The following PRLR variants were observed in gnomAD, a reference collection of about 807,000 sequenced individuals.
PRLR encodes prolactin receptor, also known as hPRL receptor.
PRLR carries 13 observed loss-of-function variants against 40.2 expected under a neutral mutation model. The ratio of observed to expected loss-of-function variants is 0.32; its 90% confidence interval spans 0.21 to 0.51. The LOEUF (loss-of-function observed/expected upper bound fraction) is 0.51. Among genes scored for constraint, PRLR ranks in the 20% least tolerant of loss-of-function variants. The probability of loss-of-function intolerance (pLI) is 0.97; values close to 1 mark genes in which losing one functional copy is unlikely to be tolerated. For missense variants in PRLR, 656 were observed against 747.3 expected (o/e 0.88, Z 1.42); for synonymous variants, 269 against 278.7 (o/e 0.97, Z 0.35).
At chr5:35,093,530 G>C (rs1432241437) in intron 2 of PRLR, among the ~76,000 whole-genome samples, 1 of 152,124 alleles carries the variant, frequency 6.6e-6, no homozygotes, top group Non-Finnish European at 1.5e-5. Context: ...TCAGGTTTTT[G>C]ACTCAGTTTT....
At chr5:35,154,368 T>C (rs1450694424) in intron 1 of PRLR, among the ~76,000 whole-genome samples, 1 of 152,228 alleles carries the variant, frequency 6.6e-6, no homozygotes, top group African/African-American at 2.4e-5. Context: ...TTTTGATACA[T>C]CTCTAATTTT....
In PRLR at chr5:35,089,665, T is replaced by C; in HGVS notation, c.-43-2A>G. 2 of 1,606,938 alleles carry C rather than the reference T, an allele frequency of 1.2e-6. 1 individual carries two copies. Among genetic ancestry groups the C allele is most frequent in the African/African-American group, 2.7e-5 (2 of 74,922 alleles). On this transcript the variant is annotated splice_acceptor_variant, in intron 2 of 9. Transcript: ENST00000618457. LOFTEE classifies it low-confidence loss of function (5UTR_SPLICE). ...TGCAGGAAATGTATCAGAAGTTCACTGGAAGAGAAGGTAGCAGGTAACTTT... is the reference window on the plus strand; with the variant it reads ...TGCAGGAAATGTATCAGAAGTTCACCGGAAGAGAAGGTAGCAGGTAACTTT...
chr5:35,180,810 G>A (rs745615361), intron 1 of PRLR, among the ~76,000 whole-genome samples: 7 of 151,924 alleles, frequency 4.6e-5, no homozygotes, highest in East Asian at 3.9e-4. Flanking sequence ...TGTTCAATTC[G>A]CACCTATGAG....
intron 1 of PRLR, among the ~76,000 whole-genome samples, chr5:35,162,274 T>G (rs1448039861): frequency 6.6e-6 from 1 of 152,210 alleles, no homozygotes; most frequent in Non-Finnish European, 1.5e-5. Context: ...TTCAATGTGA[T>G]TTCACCTTTC....
At chr5:35,073,801 T>A (rs560958394) in intron 5 of PRLR, among the ~76,000 whole-genome samples, 1 of 152,314 alleles carries the variant, frequency 6.6e-6, no homozygotes, top group South Asian at 2.1e-4. Flanking sequence ...ATGCTCAAGG[T>A]CATTAGCCTT....
At chr5:35,211,734 GTATTAA>G (rs1446584663) in intron 1 of PRLR, among the ~76,000 whole-genome samples, 3 of 152,216 alleles carry the variant, frequency 2.0e-5, no homozygotes, top group Admixed American at 6.5e-5. Flanking sequence ...TCATGATGTA[GTATTAA>G]TATTGAGTAA....
In PRLR at chr5:35,057,671, A is replaced by T. The variant is rs1470063135; in HGVS notation, c.*7418T>A. On this transcript the variant is annotated 3_prime_UTR_variant, in exon 10 of 10. Coordinates refer to ENST00000618457, the MANE Select transcript of PRLR (RefSeq NM_000949.7). The stretch of plus-strand genomic sequence containing the variant: ...AATAAAACCATGGAAAACAGAGAGC[A>T]CAATGTGCCATAAGCAAAGATTTAC... The T allele has an allele frequency of 6.6e-6, 1 of 152,188 alleles. No homozygotes were observed. Among genetic ancestry groups the T allele is most frequent in the Non-Finnish European group, 1.5e-5 (1 of 68,014 alleles). 9.4% of individuals were successfully genotyped at this position (152,188 alleles called of 1,614,324 possible).
Position 35,166,327 on chromosome 5 carries a change from A to G in PRLR, c.-105-48205T>C, listed in dbSNP as rs115747654. Among the ~76,000 whole-genome samples, 1,134 of 152,294 alleles carry G rather than the reference A, an allele frequency of 7.4e-3. 12 individuals are homozygous for G. Among genetic ancestry groups the G allele is most frequent in the African/African-American group, 0.026 (1,100 of 41,556 alleles). On this transcript the variant is annotated intron_variant, in intron 1 of 9. Transcript: ENST00000618457. The stretch of plus-strand genomic sequence containing the variant: ...ATATTGGAATAAATTTCCAGCCACA[A>G]TCAACTCTGCTTTGGATAGCATGGC...
At chr5:35,049,083 G>GTTTCCACTTTTGTGTTTCCACTTT (rs1377617668) in exon 9 of PRLR, 19 of 676,704 alleles carry the variant, frequency 2.8e-5, no homozygotes, top group Non-Finnish European at 4.9e-5. Flanking sequence ...CCCTTTTTGT[G>GTTTCCACTTTTGTGTTTCCACTTT]TGGGTTTCCA....
intron 1 of PRLR, among the ~76,000 whole-genome samples, chr5:35,202,990 C>T (rs1454170427): frequency 1.3e-5 from 2 of 152,080 alleles, no homozygotes; most frequent in East Asian, 3.9e-4. Flanking sequence ...CAAAGTGAGC[C>T]CCCCATTGGC....
intron 1 of PRLR, among the ~76,000 whole-genome samples, chr5:35,123,811 A>T (rs1476944477): frequency 2.0e-5 from 3 of 152,182 alleles, no homozygotes; most frequent in Non-Finnish European, 4.4e-5. Context: ...ATAGTCTGTC[A>T]TTCTACCCTC....
intron 1 of PRLR, among the ~76,000 whole-genome samples, chr5:35,139,787 G>A (rs970884390): frequency 6.6e-6 from 1 of 152,170 alleles, no homozygotes; most frequent in Non-Finnish European, 1.5e-5. Context: ...GATATTGCAT[G>A]TATGTATTTT....
At chr5:35,154,873 G>A (rs1294524540) in intron 1 of PRLR, among the ~76,000 whole-genome samples, 2 of 151,972 alleles carry the variant, frequency 1.3e-5, no homozygotes, top group African/African-American at 4.8e-5. Context: ...TATCCCCAGC[G>A]AATTAATGCA....
At chr5:35,203,027 C>T (rs968930256) in intron 1 of PRLR, among the ~76,000 whole-genome samples, 1 of 152,266 alleles carries the variant, frequency 6.6e-6, no homozygotes, top group East Asian at 1.9e-4. Context: ...TTGTAAATCC[C>T]TGAAGACTTC....
intron 1 of PRLR, among the ~76,000 whole-genome samples, chr5:35,197,066 T>C (rs1223242018): frequency 1.3e-5 from 2 of 152,212 alleles, no homozygotes; most frequent in Admixed American, 1.3e-4. Context: ...GGGAACACAA[T>C]ATTCAGTCAT....
At chr5:35,200,240 G>T (rs1238200285) in intron 1 of PRLR, among the ~76,000 whole-genome samples, 5 of 152,312 alleles carry the variant, frequency 3.3e-5, no homozygotes, top group East Asian at 3.9e-4. Context: ...AAGTATCAAA[G>T]AGGTGGTTGA....
chr5:35,201,718 TCTC>T (rs1579797515), intron 1 of PRLR, among the ~76,000 whole-genome samples: 1 of 152,218 alleles, frequency 6.6e-6, no homozygotes, highest in Admixed American at 6.5e-5. Flanking sequence ...TCTCTTCTCC[TCTC>T]CTCTTTTCTT....
At chr5:35,124,384 C>G (rs1773389180) in intron 1 of PRLR, among the ~76,000 whole-genome samples, 1 of 152,040 alleles carries the variant, frequency 6.6e-6, no homozygotes, top group African/African-American at 2.4e-5. Flanking sequence ...CATGCTTATG[C>G]TGAGACAACG....
intron 1 of PRLR, among the ~76,000 whole-genome samples, chr5:35,118,532 C>T (rs1051133457): frequency 6.6e-6 from 1 of 152,080 alleles, no homozygotes; most frequent in African/African-American, 2.4e-5. Flanking sequence ...AAATGTAGTA[C>T]AATAATTAAC....
Sources: allele counts gnomAD v4.1 joint callset (sites outside exome capture counted in the v4.1 genomes callset), GRCh38; gene constraint gnomAD v4.1.1; transcripts MANE v1.5; gene names NCBI Gene and HGNC (gene_info 2026-07-23, HGNC 2026-07-21).